FAM184A: variants seen among roughly 807,000 people sequenced by gnomAD.
FAM184A encodes protein FAM184A.
Under a neutral mutation model 143.8 loss-of-function variants are expected in FAM184A, and 99 were observed. That is an observed-to-expected ratio of 0.69 (90% CI 0.58 to 0.81). FAM184A has a LOEUF of 0.81. FAM184A is among the 40% of genes least tolerant of loss of function. FAM184A has a pLI of 0.00. For synonymous variants in FAM184A, 427 were observed against 446.4 expected (o/e 0.96, Z 0.55); for missense variants, 1,217 against 1,310.5 (o/e 0.93, Z 1.10).
In FAM184A at chr6:119,078,376, C is replaced by G; in HGVS notation, c.-77G>C. The stretch of plus-strand genomic sequence containing the variant: ...CCGTGGAGCAACGACGCCCGGGAGG[C>G]AAGAGTCGCGGCGGCCGCTTCCCGA... On this transcript the variant is annotated 5_prime_UTR_variant, in exon 1 of 18. Transcript: ENST00000338891. The surrounding 1 kb of genome is among the most constrained non-coding windows in gnomAD (Gnocchi z 5.5). The G allele has an allele frequency of 7.5e-7, 1 of 1,336,540 alleles. No homozygotes were observed. Among genetic ancestry groups the G allele is most frequent in the Non-Finnish European group, 9.6e-7 (1 of 1,039,664 alleles). The allele number at this position is 1,336,540 out of a possible 1,614,324, so 82.8% of individuals were successfully genotyped here. A position where few individuals can be genotyped will look rare whatever the true frequency, so the allele number is the denominator to read the frequency against.
intron 1 of FAM184A, among the ~76,000 whole-genome samples, chr6:119,073,067 A>C (rs1787750896): frequency 2.0e-5 from 3 of 152,218 alleles, no homozygotes; most frequent in Admixed American, 2.0e-4. Flanking sequence ...CAGTCAAATT[A>C]TGAAAACAAA....
chr6:119,127,113 A>T (rs1285720819), intron 1 of FAM184A, among the ~76,000 whole-genome samples: 1 of 152,214 alleles, frequency 6.6e-6, no homozygotes, highest in Non-Finnish European at 1.5e-5. Flanking sequence ...GTGGGAAAAC[A>T]GGAATGCATG....
Position 119,016,458 on chromosome 6 carries a change from A to C in FAM184A, c.1530+289T>G, listed in dbSNP as rs1582508225. 4.6e-5 allele frequency among the ~76,000 whole-genome samples: 7 copies of C among 152,160 alleles called. 1 individual carries two copies. The highest frequency in any genetic ancestry group is 3.9e-4 in the Admixed American group (6 of 15,298). Reference sequence around the variant, plus strand: ...CACGAGCCCACTGGGAGGAACGAACAACTCCAGACGCGCTACCTTAAGAGC... The same window carrying C: ...CACGAGCCCACTGGGAGGAACGAACCACTCCAGACGCGCTACCTTAAGAGC... On this transcript the variant is annotated intron_variant, in intron 5 of 17. Transcript: ENST00000338891.
At chr6:119,109,948 A>G (rs1478948039) in intron 1 of FAM184A, among the ~76,000 whole-genome samples, 1 of 152,152 alleles carries the variant, frequency 6.6e-6, no homozygotes, top group Admixed American at 6.5e-5. Context: ...AAGCTAGTAT[A>G]TTTATTGTCT....
chr6:118,967,273 A>G (rs1783530098), intron 14 of FAM184A, among the ~76,000 whole-genome samples: 1 of 152,190 alleles, frequency 6.6e-6, no homozygotes, highest in Admixed American at 6.5e-5. Context: ...TATATGTTGA[A>G]TGATACTAAC....
At position 119,022,053 on chromosome 6, in the gene FAM184A, C is replaced by CTT. The variant is rs34128659; in HGVS notation, c.1150+890_1150+891dup. 1.5e-3 allele frequency among the ~76,000 whole-genome samples: 130 copies of CTT among 84,350 alleles called. 3 individuals are homozygous for CTT. Among genetic ancestry groups the CTT allele is most frequent in the East Asian group, 1.7e-3 (4 of 2,360 alleles). 55.3% of individuals were successfully genotyped at this position (84,350 alleles called of 152,430 possible). ...AAGTGTGCTTCATTTTTCGTTCTTTCTTTTTTTTTTTTTTTTTTTTTTTTT... is the reference window on the plus strand; with the variant it reads ...AAGTGTGCTTCATTTTTCGTTCTTTCTTTTTTTTTTTTTTTTTTTTTTTTTTT... On this transcript the variant is annotated intron_variant, in intron 3 of 17. Coordinates refer to ENST00000338891, the MANE Select transcript of FAM184A (RefSeq NM_024581.6).
chr6:118,976,853 G>T (rs1033518177), intron 11 of FAM184A, among the ~76,000 whole-genome samples: 3 of 152,018 alleles, frequency 2.0e-5, no homozygotes, highest in African/African-American at 4.8e-5. Flanking sequence ...AAACCAGAAT[G>T]AGTTATCACA....
chr6:119,072,217 G>C (rs1347089754), intron 1 of FAM184A, among the ~76,000 whole-genome samples: 1 of 151,918 alleles, frequency 6.6e-6, no homozygotes, highest in Non-Finnish European at 1.5e-5. Flanking sequence ...CCCTTTATAA[G>C]TTTGTGACCA....
At position 119,060,882 on chromosome 6, in the gene FAM184A, G is replaced by A. The variant is rs141235985; in HGVS notation, c.159+17259C>T. Among the ~76,000 whole-genome samples, 189 of 152,270 alleles carry A rather than the reference G, an allele frequency of 1.2e-3. 1 individual carries two copies. Among genetic ancestry groups the A allele is most frequent in the African/African-American group, 4.4e-3 (183 of 41,552 alleles). ...TGAGGCCTCCCCAGAAGCAGAAGCC[G>A]ATGTGCTTCTTGTACAACCTGCAGA... On this transcript the variant is annotated intron_variant, in intron 1 of 17. Coordinates refer to ENST00000338891, the MANE Select transcript of FAM184A (RefSeq NM_024581.6).
chr6:118,977,803 T>C (rs1783891815), intron 11 of FAM184A, among the ~76,000 whole-genome samples: 1 of 152,190 alleles, frequency 6.6e-6, no homozygotes, highest in Non-Finnish European at 1.5e-5. Flanking sequence ...CTGGTTGTGA[T>C]ACTGTACCAT....
At chr6:119,064,023 G>A (rs1008818548) in intron 1 of FAM184A, among the ~76,000 whole-genome samples, 1 of 151,970 alleles carries the variant, frequency 6.6e-6, no homozygotes, top group Non-Finnish European at 1.5e-5. Context: ...TCTCAAGACT[G>A]TACCCCGGAT....
intron 14 of FAM184A, among the ~76,000 whole-genome samples, chr6:118,968,180 A>G (rs1265312799): frequency 1.3e-5 from 2 of 152,242 alleles, no homozygotes; most frequent in Non-Finnish European, 2.9e-5. Context: ...AGGGGTGTCC[A>G]ATCTTTTGGT....
chr6:119,139,704 T>C (rs1220189761), intron 1 of FAM184A, among the ~76,000 whole-genome samples: 1 of 151,918 alleles, frequency 6.6e-6, no homozygotes, highest in Non-Finnish European at 1.5e-5. Context: ...CTAAATTAAT[T>C]GGCATTTCAT....
chr6:119,079,487 A>C (rs1787998621), upstream of FAM184A, among the ~76,000 whole-genome samples: 1 of 152,220 alleles, frequency 6.6e-6, no homozygotes, highest in Non-Finnish European at 1.5e-5. Context: ...GCCTTCATAA[A>C]TGTGTTATTC....
intron 1 of FAM184A, among the ~76,000 whole-genome samples, chr6:119,026,838 T>A (rs781694946): frequency 2.6e-5 from 4 of 152,162 alleles, no homozygotes; most frequent in Non-Finnish European, 4.4e-5. Flanking sequence ...TGTTTGACAT[T>A]CCATATTCTG....
intron 1 of FAM184A, among the ~76,000 whole-genome samples, chr6:119,114,706 T>C (rs1169767895): frequency 6.6e-6 from 1 of 152,114 alleles, no homozygotes; most frequent in Admixed American, 6.6e-5. Flanking sequence ...CATGCCTGGC[T>C]AATTGTTGTA....
chr6:118,962,596 A>G (rs1783369187), intron 16 of FAM184A: 1 of 152,236 alleles, frequency 6.6e-6, no homozygotes, highest in East Asian at 1.9e-4. Context: ...AATTAAGTCT[A>G]ATTTCCATAT....
intron 16 of FAM184A, among the ~76,000 whole-genome samples, chr6:118,964,127 C>T (rs1783420305): frequency 2.0e-5 from 3 of 152,060 alleles, no homozygotes; most frequent in Admixed American, 2.0e-4. Context: ...GAGTTTGAGA[C>T]CAGCCTGAGC....
intron 1 of FAM184A, among the ~76,000 whole-genome samples, chr6:119,027,035 C>A (rs1785659612): frequency 6.6e-6 from 1 of 152,294 alleles, no homozygotes; most frequent in South Asian, 2.1e-4. Flanking sequence ...TTGGCGTCCA[C>A]AACCCCCTTA....
Sources: gnomAD v4.1 joint callset for allele counts (sites outside exome capture counted in the v4.1 genomes callset) on GRCh38, gnomAD v4.1.1 for gene constraint, Gnocchi (gnomAD v3.1) non-coding constraint, MANE v1.5 for transcripts, NCBI Gene and HGNC (gene_info 2026-07-23, HGNC 2026-07-21) for gene names.